Variants in DSTN observed in about 807,000 individuals in gnomAD.
The protein encoded by DSTN is destrin, actin depolymerizing factor.
Under a neutral mutation model 16.8 loss-of-function variants are expected in DSTN, and 10 were observed. The observed-to-expected ratio is 0.60, with a 90% CI of 0.37 to 1.01. The LOEUF is 1.01. Among genes scored for constraint, DSTN ranks in the 50% least tolerant of loss-of-function variants. The pLI, the probability that DSTN is intolerant of heterozygous loss-of-function variation, is 0.01. For synonymous variants in DSTN, 57 were observed against 58.9 expected, an observed-to-expected ratio of 0.97 and a Z score of 0.14; for missense variants, 141 against 196.7, an observed-to-expected ratio of 0.72 and a Z score of 1.69.
intron 1 of DSTN, among the ~76,000 whole-genome samples, chr20:17,598,184 T>G (rs1004424862): frequency 7.2e-5 from 11 of 152,250 alleles, no homozygotes; most frequent in African/African-American, 2.7e-4. Flanking sequence ...GGACACATTT[T>G]CATTTCTCTT....
At chr20:17,586,255 A>T (rs2035407417) in intron 1 of DSTN, among the ~76,000 whole-genome samples, 1 of 152,232 alleles carries the variant, frequency 6.6e-6, no homozygotes, top group Non-Finnish European at 1.5e-5. Context: ...ATGCACAGGG[A>T]AACCAAAAAA....
intron 1 of DSTN, 30 bp downstream of exon 1, chr20:17,570,241 CG>C: frequency 6.7e-7 from 1 of 1,489,740 alleles, no homozygotes; most frequent in South Asian, 1.3e-5. Flanking sequence ...AGGCGTGGGC[CG>C]AGGCGGCCGG....
chr20:17,580,902 G>A (rs2035336396), intron 1 of DSTN, among the ~76,000 whole-genome samples: 1 of 152,202 alleles, frequency 6.6e-6, no homozygotes, highest in Admixed American at 6.5e-5. Context: ...AGAAGGGCCT[G>A]TAGAAGAGAA....
At chr20:17,583,735 C>CTTTTTGTTTTTTTTTTT (rs2035372765) in intron 1 of DSTN, among the ~76,000 whole-genome samples, 2 of 72,480 alleles carry the variant, frequency 2.8e-5, no homozygotes, top group Non-Finnish European at 4.7e-5. Context: ...TTTGGAGTTT[C>CTTTTTGTTTTTTTTTTT]TTTTTTTTTT....
At position 17,570,105 on chromosome 20, in the gene DSTN, G is replaced by T. The variant is rs2035177914; in HGVS notation, c.-104G>T. On this transcript the variant is annotated 5_prime_UTR_variant, in exon 1 of 4. Transcript: ENST00000246069. ...GGGGTAAGCTCGCGCCGCCGCGTCA[G>T]CTCAGCGCTGGGTCTCTCGGTCCCG... The T allele has an allele frequency of 1.1e-5, 17 of 1,486,806 alleles. No homozygotes were observed. The highest frequency in any genetic ancestry group is 1.5e-5 in the Non-Finnish European group (17 of 1,121,398). The allele number at this position is 1,486,806 out of a possible 1,614,324, so 92.1% of individuals were successfully genotyped here. A position where few individuals can be genotyped will look rare whatever the true frequency, so the allele number is the denominator to read the frequency against.
intron 1 of DSTN, among the ~76,000 whole-genome samples, chr20:17,596,113 T>G: frequency 6.6e-6 from 1 of 152,364 alleles, no homozygotes; most frequent in East Asian, 1.9e-4. Flanking sequence ...CAGAATTGGC[T>G]GTTGATGACT....
chr20:17,570,496 C>G (rs556881527), intron 1 of DSTN, among the ~76,000 whole-genome samples: 2 of 152,196 alleles, frequency 1.3e-5, no homozygotes, highest in South Asian at 4.1e-4. Context: ...TCTCCAGACC[C>G]GGCCTTGCAA....
chr20:17,606,869 G>C (rs1381734279), intron 3 of DSTN, among the ~76,000 whole-genome samples, 168 bp from the exon 4 acceptor site: 1 of 152,202 alleles, frequency 6.6e-6, no homozygotes, highest in Non-Finnish European at 1.5e-5. Context: ...CATCTATCTT[G>C]ATGCATGTAG....
At chr20:17,602,054 GGGA>G (rs2035593399) in intron 2 of DSTN, among the ~76,000 whole-genome samples, 2 of 152,074 alleles carry the variant, frequency 1.3e-5, no homozygotes, top group Admixed American at 1.3e-4. Flanking sequence ...GAGTGTAAAA[GGGA>G]TATGGGAGTA....
intron 1 of DSTN, among the ~76,000 whole-genome samples, chr20:17,582,242 C>T (rs1818594221): frequency 6.6e-6 from 1 of 151,952 alleles, no homozygotes; most frequent in Admixed American, 6.6e-5. Flanking sequence ...CCACGCCTCG[C>T]TAATTTTTTA....
chr20:17,573,311 G>A (rs2035228908), intron 1 of DSTN, among the ~76,000 whole-genome samples: 1 of 151,094 alleles, frequency 6.6e-6, no homozygotes, highest in Non-Finnish European at 1.5e-5. Context: ...TAAACTTTGT[G>A]GGGGTGGTTT....
chr20:17,595,233 T>A (rs977812323), intron 1 of DSTN, among the ~76,000 whole-genome samples: 2 of 152,146 alleles, frequency 1.3e-5, no homozygotes, highest in Non-Finnish European at 2.9e-5. Context: ...CTTTTGGAAC[T>A]CCCCGTCATA....
At chr20:17,585,293 G>C (rs2035393318) in intron 1 of DSTN, among the ~76,000 whole-genome samples, 1 of 152,082 alleles carries the variant, frequency 6.6e-6, no homozygotes, top group Non-Finnish European at 1.5e-5. Flanking sequence ...AAATGAGAGG[G>C]AATAGATTTG....
At chr20:17,588,495 C>T (rs916329715) in intron 1 of DSTN, among the ~76,000 whole-genome samples, 5 of 152,138 alleles carry the variant, frequency 3.3e-5, no homozygotes, top group South Asian at 2.1e-4. Context: ...TAAAAAGGAA[C>T]ATTTGGCTGG....
intron 1 of DSTN, among the ~76,000 whole-genome samples, chr20:17,583,757 T>TTTTTTTTTG (rs1257586225): frequency 7.1e-6 from 1 of 141,482 alleles, no homozygotes. Flanking sequence ...TTTTTTTTTT[T>TTTTTTTTTG]TGAGACAAGG....
chr20:17,591,929 C>T (rs1054934375), intron 1 of DSTN: 1 of 985,298 alleles, frequency 1.0e-6, no homozygotes, highest in African/African-American at 1.7e-5. Flanking sequence ...ATCTTTACCC[C>T]AGATTTTCAG....
intron 2 of DSTN, among the ~76,000 whole-genome samples, chr20:17,603,317 T>C (rs1278640740): frequency 6.6e-6 from 1 of 152,188 alleles, no homozygotes; most frequent in Non-Finnish European, 1.5e-5. Flanking sequence ...TGACCTCCAG[T>C]AGGCTCTTGG....
chr20:17,598,707 A>T (rs962430932), intron 1 of DSTN, among the ~76,000 whole-genome samples: 2 of 152,102 alleles, frequency 1.3e-5, no homozygotes, highest in Non-Finnish European at 2.9e-5. Context: ...GGGTATCATT[A>T]ATATTTTTCC....
chr20:17,606,953 G>T, intron 3 of DSTN, 84 bp from the exon 4 acceptor site: 1 of 1,319,618 alleles, frequency 7.6e-7, no homozygotes, highest in Non-Finnish European at 1.1e-6. Context: ...GATTAGAACT[G>T]GTCTTTTAAA....
Sources: gnomAD v4.1 joint callset for allele counts (sites outside exome capture counted in the v4.1 genomes callset) on GRCh38, gnomAD v4.1.1 for gene constraint, MANE v1.5 for transcripts, NCBI Gene and HGNC (gene_info 2026-07-23, HGNC 2026-07-21) for gene names.